Variants in PPP6R2 observed in about 807,000 individuals in gnomAD.
PPP6R2 encodes protein phosphatase 6 regulatory subunit 2, also known as serine/threonine-protein phosphatase 6 regulatory subunit 2.
PPP6R2 carries 62 observed loss-of-function variants against 100.2 expected under a neutral mutation model. The ratio of observed to expected loss-of-function variants is 0.62; its 90% CI spans 0.50 to 0.76. The LOEUF (loss-of-function observed/expected upper bound fraction) is 0.76. PPP6R2 is among the 30% of genes least tolerant of loss of function. The pLI is 0.00. For missense variants in PPP6R2, 1,142 were observed against 1,276.3 expected, an observed-to-expected ratio of 0.89 and a Z score of 1.60; for synonymous variants, 525 against 514.7, an observed-to-expected ratio of 1.02 and a Z score of -0.27.
chr22:50,357,619 C>G (rs1048519756), intron 1 of PPP6R2, among the ~76,000 whole-genome samples: 2 of 151,732 alleles, frequency 1.3e-5, no homozygotes, highest in Non-Finnish European at 2.9e-5. Flanking sequence ...CTCAGCCTCC[C>G]TGGCTAATTT....
intron 1 of PPP6R2, among the ~76,000 whole-genome samples, chr22:50,360,350 C>CTTT (rs146808027): frequency 2.2e-5 from 3 of 135,360 alleles, no homozygotes; most frequent in Admixed American, 7.4e-5. Context: ...CATGCTCAGC[C>CTTT]TTTTTTTTTT....
chr22:50,437,395 G>C lies in PPP6R2; in HGVS notation c.1684-111G>C, dbSNP rs115849027. On this transcript the variant is annotated intron_variant, in intron 15 of 23. Coordinates refer to ENST00000612753, the MANE Select transcript of PPP6R2 (RefSeq NM_001242898.2). ...TTTACTGCCCACTTGTGCTGGAGGA[G>C]AAGCTCCCGAACAACTAGAGAGATT... is the stretch of plus-strand genomic sequence containing the variant. 2.8e-3 allele frequency: 2,115 copies of C among 757,746 alleles called. 37 individuals are homozygous for C. In the African/African-American group the frequency reaches 0.032, roughly 11 times the overall value. The allele number at this position is 757,746 out of a possible 1,614,324, so 46.9% of individuals were successfully genotyped here.
chr22:50,335,211 C>T, the PPP6R2 span, among the ~76,000 whole-genome samples: 1 of 142,628 alleles, frequency 7.0e-6, no homozygotes, highest in Admixed American at 7.3e-5. Context: ...GCCACAACAC[C>T]CGGCTAATTT....
intron 6 of PPP6R2, among the ~76,000 whole-genome samples, chr22:50,418,271 ACT>A (rs1055988721): frequency 4.6e-5 from 7 of 151,522 alleles, no homozygotes; most frequent in Admixed American, 2.0e-4. Context: ...AAAAAAGAAA[ACT>A]CTAACCAGAT....
Position 50,435,056 on chromosome 22 carries a change from G to A in PPP6R2, c.1491G>A (p.Gln497=), listed in dbSNP as rs752784288. ...AGAACCTGGAGCGGGGCCCTGTGCA[G>A]ACGCACATCAGCGAGGTCATCCGAG... The part of the protein sequence containing the change: ...VVQNLERGPV[Q]THISEVIRGL... Residue 497 remains glutamine, a synonymous_variant, in exon 13 of 24, where the codon CAG becomes CAA. Transcript: ENST00000612753. The A allele has an allele frequency of 1.3e-6, 2 of 1,579,726 alleles. No homozygotes were observed. The highest frequency in any genetic ancestry group is 1.7e-6 in the Non-Finnish European group (2 of 1,160,800).
At position 50,419,086 on chromosome 22, in the gene PPP6R2, C is replaced by G. The variant is rs528142100; in HGVS notation, c.731+107C>G. The G allele has an allele frequency of 9.6e-6, 9 of 935,604 alleles. No individual in the cohort carries two copies. The East Asian group carries it at 2.0e-4, about 20-fold the overall frequency. The allele number at this position is 935,604 out of a possible 1,614,324, so 58.0% of individuals were successfully genotyped here. ...GGATATGTTGCCACCTCCTCTGATT[C>G]ACATTCGAATGAACCCCAGGTTCAG... On this transcript the variant is annotated intron_variant, in intron 7 of 23. Coordinates refer to ENST00000612753, the MANE Select transcript of PPP6R2 (RefSeq NM_001242898.2).
chr22:50,444,480 GCCC>G lies in PPP6R2; in HGVS notation c.*236_*238del. On this transcript the variant is annotated 3_prime_UTR_variant, in exon 24 of 24. Coordinates refer to ENST00000612753, the MANE Select transcript of PPP6R2 (RefSeq NM_001242898.2). ...TGGAGGACAGAGGGGCACCTCAGCC[GCCC>G]CCAAGCCCAGAGCACAGCAATAAGG... 1 of 347,842 alleles carries G rather than the reference GCCC, an allele frequency of 2.9e-6. No individual in the cohort carries two copies. The highest frequency in any genetic ancestry group is 5.1e-6 in the Non-Finnish European group (1 of 196,460). 21.5% of individuals were successfully genotyped at this position (347,842 alleles called of 1,614,324 possible).
At chr22:50,395,371 C>T (rs982126885) in intron 3 of PPP6R2, among the ~76,000 whole-genome samples, 7 of 152,084 alleles carry the variant, frequency 4.6e-5, no homozygotes, top group Admixed American at 6.6e-5. Context: ...GGGGCTGGGG[C>T]GAGAGGGAGA....
intron 1 of PPP6R2, among the ~76,000 whole-genome samples, chr22:50,352,215 A>C (rs2045456675): frequency 6.6e-6 from 1 of 152,174 alleles, no homozygotes; most frequent in African/African-American, 2.4e-5. Context: ...TGCTGGGATT[A>C]CAGGCAAGAG....
At chr22:50,422,134 G>C in intron 8 of PPP6R2, 120 bp from the exon 9 acceptor site, 1 of 1,329,376 alleles carries the variant, frequency 7.5e-7, no homozygotes. Context: ...CACTGCTCTA[G>C]GGTTTCTTTT....
At chr22:50,399,965 T>G (rs1265235214) in intron 3 of PPP6R2, among the ~76,000 whole-genome samples, 1 of 152,228 alleles carries the variant, frequency 6.6e-6, no homozygotes, top group Admixed American at 6.5e-5. Context: ...CTGGATTATT[T>G]GAGAAATAAG....
At chr22:50,415,537 G>A (rs755681405) in intron 5 of PPP6R2, among the ~76,000 whole-genome samples, 1 of 152,244 alleles carries the variant, frequency 6.6e-6, no homozygotes, top group African/African-American at 2.4e-5. Flanking sequence ...GTAGCCACGG[G>A]GGGACAGCTC....
intron 3 of PPP6R2, among the ~76,000 whole-genome samples, chr22:50,394,635 A>G (rs1438995899): frequency 1.4e-5 from 2 of 147,552 alleles, no homozygotes; most frequent in Non-Finnish European, 3.0e-5. Flanking sequence ...GGCCGGGCAC[A>G]GTGGCTCATG....
intron 9 of PPP6R2, 151 bp downstream of exon 9, chr22:50,422,531 G>A: frequency 9.0e-7 from 1 of 1,105,216 alleles, no homozygotes; most frequent in Non-Finnish European, 1.3e-6. Context: ...CACTTGAGAA[G>A]CACCGGGCAG....
intron 3 of PPP6R2, among the ~76,000 whole-genome samples, chr22:50,405,058 C>T (rs1225645804): frequency 6.6e-6 from 1 of 152,212 alleles, no homozygotes; most frequent in African/African-American, 2.4e-5. Context: ...AACGTTCTTG[C>T]GTAGTGCCTC....
At chr22:50,396,451 C>T (rs2056891929) in intron 3 of PPP6R2, among the ~76,000 whole-genome samples, 1 of 150,398 alleles carries the variant, frequency 6.6e-6, no homozygotes, top group Non-Finnish European at 1.5e-5. Context: ...GCCAAGATCG[C>T]TCCACTGCAC....
intron 4 of PPP6R2, 130 bp downstream of exon 4, chr22:50,407,005 C>T: frequency 2.1e-6 from 2 of 934,826 alleles, no homozygotes; most frequent in East Asian, 4.8e-5. Flanking sequence ...TTCTGCGCAA[C>T]ACGTGGAGCA....
In PPP6R2 at chr22:50,435,170, G is replaced by A. The variant is rs374417358; in HGVS notation, c.1516+89G>A. ...GCCTGAGACTAAGCTCTGCCCGGCA[G>A]CAGGTGCTGACTGCACTGACAGTGA... On this transcript the variant is annotated intron_variant, in intron 13 of 23. Coordinates refer to ENST00000612753, the MANE Select transcript of PPP6R2 (RefSeq NM_001242898.2). 6.6e-5 allele frequency: 74 copies of A among 1,127,530 alleles called. No homozygotes were observed. The East Asian group carries it at 8.4e-4, about 13-fold the overall frequency. 69.8% of individuals were successfully genotyped at this position (1,127,530 alleles called of 1,614,324 possible).
intron 10 of PPP6R2, among the ~76,000 whole-genome samples, chr22:50,425,191 ATT>A (rs1399638945): frequency 6.6e-6 from 1 of 152,052 alleles, no homozygotes; most frequent in Non-Finnish European, 1.5e-5. Context: ...GGCAACCACC[ATT>A]GTCTTTGTCT....
Sources: gnomAD v4.1 joint callset for allele counts (sites outside exome capture counted in the v4.1 genomes callset) on GRCh38, gnomAD v4.1.1 for gene constraint, MANE v1.5 for transcripts, NCBI Gene and HGNC (gene_info 2026-07-23, HGNC 2026-07-21) for gene names.